GABRG3: variants seen among roughly 807,000 people sequenced by gnomAD.
GABRG3 encodes the protein gamma-aminobutyric acid receptor subunit gamma-3.
GABRG3 carries 25 observed loss-of-function variants against 48.8 expected under a neutral mutation model. The observed-to-expected ratio is 0.51, with a 90% CI of 0.37 to 0.72. The LOEUF (loss-of-function observed/expected upper bound fraction) is 0.72, where lower values mean the gene tolerates loss of function less well. Among genes scored for constraint, GABRG3 ranks in the 30% least tolerant of loss-of-function variants. The pLI, the probability that GABRG3 is intolerant of heterozygous loss-of-function variation, is 0.00. For synonymous variants in GABRG3, 227 were observed against 217.6 expected (o/e 1.04, Z -0.38); for missense variants, 394 against 577.9 (o/e 0.68, Z 3.26).
Position 27,498,786 on chromosome 15 carries a change from G to A in GABRG3, c.712+17999G>A, listed in dbSNP as rs536312635. On this transcript the variant is annotated intron_variant, in intron 6 of 9. Coordinates refer to ENST00000615808, the MANE Select transcript of GABRG3 (RefSeq NM_033223.5). ...CTCCCAAAGTGCTGAGATTACAGGT[G>A]TGAGCCACCACGCCCGGCCAGATGT... Among the ~76,000 whole-genome samples, 31 of 152,144 alleles carry A rather than the reference G, an allele frequency of 2.0e-4. 1 individual carries two copies. The South Asian group carries it at 5.0e-3, about 24-fold the overall frequency.
chr15:27,044,414 A>T (rs1333285776), intron 3 of GABRG3, among the ~76,000 whole-genome samples: 1 of 152,244 alleles, frequency 6.6e-6, no homozygotes, highest in Non-Finnish European at 1.5e-5. Context: ...GAAAATATAA[A>T]TAGATGTCAA....
chr15:27,445,989 A>G (rs1338378020), intron 5 of GABRG3, among the ~76,000 whole-genome samples: 1 of 151,940 alleles, frequency 6.6e-6, no homozygotes, highest in South Asian at 2.1e-4. Context: ...TCTCAATTCT[A>G]TTTTGTTGAT....
At chr15:27,289,606 C>G (rs1164822920) in intron 3 of GABRG3, among the ~76,000 whole-genome samples, 1 of 152,180 alleles carries the variant, frequency 6.6e-6, no homozygotes, top group Non-Finnish European at 1.5e-5. Flanking sequence ...TCTAATTGAT[C>G]AAGTTGTATC....
chr15:27,353,426 C>CTTTTTATTTATTTATTTATT (rs367835979), intron 5 of GABRG3, among the ~76,000 whole-genome samples: 41 of 146,110 alleles, frequency 2.8e-4, no homozygotes, highest in African/African-American at 9.3e-4. Flanking sequence ...TTCTTTCTTT[C>CTTTTTATTTATTTATTTATT]TATTTATTTA....
At chr15:27,518,246 G>A (rs559092829) in intron 6 of GABRG3, among the ~76,000 whole-genome samples, 1 of 149,248 alleles carries the variant, frequency 6.7e-6, no homozygotes, top group African/African-American at 2.5e-5. Flanking sequence ...GCACATGCCT[G>A]TAATCCCAGC....
chr15:27,445,148 C>G (rs1186808828), intron 5 of GABRG3, among the ~76,000 whole-genome samples: 1 of 152,206 alleles, frequency 6.6e-6, no homozygotes, highest in Non-Finnish European at 1.5e-5. Context: ...GCTGGGATTA[C>G]AGGTGTGAGC....
At chr15:27,373,098 TAG>T (rs1895468855) in intron 5 of GABRG3, among the ~76,000 whole-genome samples, 1 of 152,160 alleles carries the variant, frequency 6.6e-6, no homozygotes, top group Admixed American at 6.5e-5. Flanking sequence ...TGACGTGTAC[TAG>T]AGAGACCCTA....
intron 5 of GABRG3, among the ~76,000 whole-genome samples, chr15:27,375,803 G>C (rs1895575832): frequency 6.6e-6 from 1 of 152,008 alleles, no homozygotes; most frequent in South Asian, 2.1e-4. Context: ...ATTTGGGTGG[G>C]GACACAGCCA....
At chr15:27,242,671 G>A (rs930639401) in intron 3 of GABRG3, among the ~76,000 whole-genome samples, 4 of 152,224 alleles carry the variant, frequency 2.6e-5, no homozygotes, top group Non-Finnish European at 2.9e-5. Context: ...GAGTAGGTAT[G>A]TGTTAAGTCT....
chr15:27,465,411 T>C (rs1889576234), intron 5 of GABRG3, among the ~76,000 whole-genome samples: 2 of 152,200 alleles, frequency 1.3e-5, no homozygotes, highest in Admixed American at 1.3e-4. Flanking sequence ...GGGAACACAA[T>C]TGGAAAACCT....
chr15:27,160,082 T>TG (rs1887119456), intron 3 of GABRG3, among the ~76,000 whole-genome samples: 1 of 152,174 alleles, frequency 6.6e-6, no homozygotes, highest in Admixed American at 6.5e-5. Flanking sequence ...CTTTCCTGGG[T>TG]GGACTCCCTG....
intron 3 of GABRG3, among the ~76,000 whole-genome samples, chr15:27,058,907 C>T (rs1896599062): frequency 6.6e-6 from 1 of 152,186 alleles, no homozygotes; most frequent in African/African-American, 2.4e-5. Flanking sequence ...ATGCAACCGT[C>T]ATCACCAATA....
At chr15:27,245,982 A>G (rs1890257467) in intron 3 of GABRG3, among the ~76,000 whole-genome samples, 1 of 152,170 alleles carries the variant, frequency 6.6e-6, no homozygotes, top group African/African-American at 2.4e-5. Flanking sequence ...GGTAGAGGTG[A>G]AGGGGGAGCA....
chr15:27,073,895 C>A (rs1896867376), intron 3 of GABRG3, among the ~76,000 whole-genome samples: 1 of 152,178 alleles, frequency 6.6e-6, no homozygotes, highest in African/African-American at 2.4e-5. Context: ...AACAGATGGC[C>A]TTGGTTTCTG....
At chr15:27,494,430 C>A (rs1890433251) in intron 6 of GABRG3, among the ~76,000 whole-genome samples, 1 of 151,924 alleles carries the variant, frequency 6.6e-6, no homozygotes, top group Admixed American at 6.6e-5. Context: ...GTTAATTCTT[C>A]TTTAAATGTT....
At chr15:27,006,277 T>C (rs1027436274) in intron 2 of GABRG3, among the ~76,000 whole-genome samples, 2 of 152,060 alleles carry the variant, frequency 1.3e-5, no homozygotes, top group African/African-American at 4.8e-5. Flanking sequence ...TCTAGGCTCA[T>C]TGCAACCTCT....
intron 3 of GABRG3, among the ~76,000 whole-genome samples, chr15:27,286,429 G>A (rs1891614603): frequency 6.6e-6 from 1 of 152,168 alleles, no homozygotes; most frequent in Non-Finnish European, 1.5e-5. Context: ...CCTTCAAGGA[G>A]TGATACAGGG....
chr15:27,463,270 G>A (rs1445117873), intron 5 of GABRG3, among the ~76,000 whole-genome samples: 1 of 151,992 alleles, frequency 6.6e-6, no homozygotes, highest in African/African-American at 2.4e-5. Context: ...AAAGAAAATT[G>A]TTAAAATTCT....
chr15:27,316,160 G>A (rs933413749), intron 3 of GABRG3, among the ~76,000 whole-genome samples: 7 of 152,044 alleles, frequency 4.6e-5, no homozygotes, highest in African/African-American at 7.2e-5. Context: ...CGAGGTGGGC[G>A]GATCACGAGG....
Sources: allele counts gnomAD v4.1 joint callset (sites outside exome capture counted in the v4.1 genomes callset), GRCh38; gene constraint gnomAD v4.1.1; transcripts MANE v1.5; gene names NCBI Gene and HGNC (gene_info 2026-07-23, HGNC 2026-07-21).